LSAMP: variants seen among roughly 807,000 people sequenced by gnomAD.
The protein encoded by LSAMP is limbic system-associated membrane protein.
Under a neutral mutation model 38.6 loss-of-function variants are expected in LSAMP, and 7 were observed. The observed-to-expected ratio is 0.18, with a 90% CI of 0.10 to 0.34. The LOEUF is 0.34. Ranked by LOEUF, LSAMP falls within the 10% of genes least tolerant of loss-of-function variation. The pLI is 1.00. For synonymous variants in LSAMP, 154 were observed against 166.8 expected (o/e 0.92, Z 0.59); for missense variants, 313 against 420.0 (o/e 0.75, Z 2.23).
At chr3:116,289,274 T>C (rs1358088533) in intron 1 of LSAMP, among the ~76,000 whole-genome samples, 19 of 152,246 alleles carry the variant, frequency 1.2e-4, no homozygotes, top group Admixed American at 1.2e-3. Context: ...TGAAAACTGC[T>C]ACACATTTTA....
At chr3:116,375,931 T>G (rs575999038) in intron 1 of LSAMP, among the ~76,000 whole-genome samples, 2 of 152,120 alleles carry the variant, frequency 1.3e-5, no homozygotes, top group East Asian at 3.9e-4. Context: ...ATGACAATTT[T>G]CTTTGTAGGA....
intron 1 of LSAMP, among the ~76,000 whole-genome samples, chr3:116,427,641 A>G (rs76534888): frequency 0.044 from 6,749 of 152,300 alleles, 196 homozygotes; most frequent in Non-Finnish European, 0.067. Context: ...AAATAAATAC[A>G]AAACGATAAA....
chr3:116,291,677 T>G (rs2047269346), intron 1 of LSAMP, among the ~76,000 whole-genome samples: 1 of 152,150 alleles, frequency 6.6e-6, no homozygotes, highest in Non-Finnish European at 1.5e-5. Flanking sequence ...TTTCTTTCTT[T>G]CCTCCCATAT....
At chr3:115,889,958 C>T (rs1401193101) in intron 3 of LSAMP, among the ~76,000 whole-genome samples, 1 of 151,948 alleles carries the variant, frequency 6.6e-6, no homozygotes, top group Non-Finnish European at 1.5e-5. Flanking sequence ...AGCAAAAACA[C>T]ACTCTTTTGC....
intron 2 of LSAMP, among the ~76,000 whole-genome samples, chr3:116,043,662 C>T (rs1450398110): frequency 1.3e-5 from 2 of 152,112 alleles, no homozygotes; most frequent in African/African-American, 4.8e-5. Context: ...AAAAAATATT[C>T]TTGCCGGGCG....
At position 116,286,890 on chromosome 3, in the gene LSAMP, T is replaced by TCAAA. The variant is rs547415596; in HGVS notation, c.155+157986_155+157987insTTTG. Reference sequence around the variant, plus strand: ...CATACCATGTGTATTATCTCTCAAGTTAAAAAAAAAAAAAAAAGGTAACTA... The same window carrying TCAAA: ...CATACCATGTGTATTATCTCTCAAGTCAAATAAAAAAAAAAAAAAAAGGTAACTA... On this transcript the variant is annotated intron_variant, in intron 1 of 6. Transcript: ENST00000490035. Among the ~76,000 whole-genome samples, 154 of 145,964 alleles carry TCAAA rather than the reference T, an allele frequency of 1.1e-3. 2 individuals carry two copies. In the South Asian group the frequency reaches 0.013, roughly 13 times the overall value.
chr3:116,338,107 C>T (rs1429531734), intron 1 of LSAMP, among the ~76,000 whole-genome samples: 2 of 151,930 alleles, frequency 1.3e-5, no homozygotes, highest in African/African-American at 4.8e-5. Context: ...CTACCTTTTC[C>T]AAAGACACTA....
chr3:116,316,837 A>T (rs754255280), intron 1 of LSAMP, among the ~76,000 whole-genome samples: 15 of 152,036 alleles, frequency 9.9e-5, no homozygotes, highest in Non-Finnish European at 2.1e-4. Flanking sequence ...TGCTTTAAAA[A>T]TGAGGTGTCA....
At chr3:116,252,382 T>C (rs1415372716) in intron 1 of LSAMP, among the ~76,000 whole-genome samples, 1 of 152,192 alleles carries the variant, frequency 6.6e-6, no homozygotes, top group Non-Finnish European at 1.5e-5. Flanking sequence ...AGTGAGACTT[T>C]TCAAGCCATC....
rs1933785020 is a variant in LSAMP, at chr3:115,810,412, G to C, written c.922C>G (p.Pro308Ala). The C allele has an allele frequency of 6.2e-7, 1 of 1,609,448 alleles. No homozygotes were observed. Among genetic ancestry groups the C allele is most frequent in the East Asian group, 2.2e-5 (1 of 44,856 alleles). Reference sequence around the variant, plus strand: ...CCATTTATTCCTCTCACCGACCCAGGTCCTGCAGAGCAAAAGAGGAGAGAG... The same window carrying C: ...CCATTTATTCCTCTCACCGACCCAGCTCCTGCAGAGCAAAAGAGGAGAGAG... ...VTNASLVLFRPGSVRGINGSI... is the reference protein window; with the variant it reads ...VTNASLVLFRAGSVRGINGSI... Residue 308 changes from proline (P) to alanine (A), a missense_variant and splice_region_variant, in exon 7 of 7, where the codon CCT becomes GCT. Coordinates refer to ENST00000490035, the MANE Select transcript of LSAMP (RefSeq NM_002338.5).
chr3:116,394,610 A>G (rs908664734), intron 1 of LSAMP, among the ~76,000 whole-genome samples: 3 of 152,120 alleles, frequency 2.0e-5, no homozygotes, highest in South Asian at 4.2e-4. Flanking sequence ...TCACTTTCCA[A>G]TTACTGGGAC....
chr3:115,881,597 T>C (rs1438627820), intron 3 of LSAMP, among the ~76,000 whole-genome samples: 3 of 152,122 alleles, frequency 2.0e-5, no homozygotes, highest in Non-Finnish European at 4.4e-5. Context: ...ACTGGTTGTG[T>C]TCTTGGACTT....
intron 3 of LSAMP, among the ~76,000 whole-genome samples, chr3:115,929,864 A>G (rs1937552265): frequency 6.6e-6 from 1 of 152,032 alleles, no homozygotes; most frequent in African/African-American, 2.4e-5. Flanking sequence ...CTTTGTTTCA[A>G]TCTTTTGTGA....
intron 3 of LSAMP, among the ~76,000 whole-genome samples, chr3:115,879,478 G>A (rs970260755): frequency 1.2e-4 from 18 of 152,104 alleles, no homozygotes; most frequent in Non-Finnish European, 1.8e-4. Context: ...GATGTTGTAT[G>A]TATTGGTTTA....
At chr3:116,136,190 T>C (rs1709244528) in intron 1 of LSAMP, among the ~76,000 whole-genome samples, 1 of 152,160 alleles carries the variant, frequency 6.6e-6, no homozygotes, top group African/African-American at 2.4e-5. Flanking sequence ...GGCTGGATCA[T>C]GTAGCATTGG....
intron 1 of LSAMP, among the ~76,000 whole-genome samples, chr3:116,244,653 C>G (rs2046581564): frequency 6.6e-6 from 1 of 152,202 alleles, no homozygotes; most frequent in Non-Finnish European, 1.5e-5. Flanking sequence ...GCACTCTCAT[C>G]ATCAGATAGT....
At chr3:115,813,581 C>CATAT (rs1227451683) in intron 6 of LSAMP, among the ~76,000 whole-genome samples, 2 of 152,138 alleles carry the variant, frequency 1.3e-5, no homozygotes, top group African/African-American at 2.4e-5. Context: ...TAAGTGCTCT[C>CATAT]ATATAGCTAT....
rs189690820 is a variant in LSAMP at position 116,066,576 on chromosome 3, A to G, written c.388+19748T>C. Among the ~76,000 whole-genome samples the G allele has an allele frequency of 1.6e-4, 25 of 152,152 alleles. No homozygotes were observed. In the East Asian group the frequency reaches 2.5e-3, roughly 15 times the overall value. The stretch of plus-strand genomic sequence containing the variant: ...TCTAACCTGGTTACCTTTTTTTCTG[A>G]TACCGCCACTTTCTGGAAACTGCCT... On this transcript the variant is annotated intron_variant, in intron 2 of 6. Coordinates refer to ENST00000490035, the MANE Select transcript of LSAMP (RefSeq NM_002338.5).
intron 3 of LSAMP, among the ~76,000 whole-genome samples, chr3:115,953,443 A>ACACACACACACACACACACACACAC (rs71141846): frequency 7.1e-6 from 1 of 141,816 alleles, no homozygotes; most frequent in Non-Finnish European, 1.6e-5. Context: ...ACACACACAC[A>ACACACACACACACACACACACACAC]ATGTCTAAAA....
Sources: allele counts gnomAD v4.1 joint callset (sites outside exome capture counted in the v4.1 genomes callset), GRCh38; gene constraint gnomAD v4.1.1; transcripts MANE v1.5; gene names NCBI Gene and HGNC (gene_info 2026-07-23, HGNC 2026-07-21).